ANAPC15: variants seen among roughly 807,000 people sequenced by gnomAD.
ANAPC15 encodes anaphase promoting complex subunit 15, also known as anaphase-promoting complex subunit 15.
ANAPC15 carries 13 observed loss-of-function variants against 19.8 expected under a neutral mutation model. That is an observed-to-expected ratio of 0.66 (90% confidence interval 0.43 to 1.04). The LOEUF is 1.04. ANAPC15 is among the 50% of genes least tolerant of loss of function. The pLI is 0.00. For synonymous variants in ANAPC15, 45 were observed against 50.7 expected (o/e 0.89, Z 0.47); for missense variants, 88 against 150.3 (o/e 0.59, Z 2.17).
downstream of ANAPC15, chr11:72,108,026 C>T (rs1591192144): frequency 1.3e-6 from 2 of 1,551,480 alleles, no homozygotes; most frequent in African/African-American, 2.7e-5. Flanking sequence ...GAGCCCTGCC[C>T]CCTGGGGGTC....
Position 72,110,172 on chromosome 11 carries a change from C to A in ANAPC15, c.234G>T (p.Glu78Asp), listed in dbSNP as rs765130044. 1 of 1,614,114 alleles carries A rather than the reference C, an allele frequency of 6.2e-7. No homozygotes were observed. Among genetic ancestry groups the A allele is most frequent in the African/African-American group, 1.3e-5 (1 of 75,020 alleles). Reference sequence around the variant, plus strand: ...GCATATCCTCATCATCCTCTGAGTCCTCTTCACTATCCTCATCATCTTCAT... The same window carrying A: ...GCATATCCTCATCATCCTCTGAGTCATCTTCACTATCCTCATCATCTTCAT... The part of the protein sequence containing the change: ...EDDEDDEDSE[E>D]DSEDDEDMQD... The change falls in exon 5 of 6, where the codon GAG (glutamate) becomes GAT (aspartate). Residue 78 changes from glutamate (E) to aspartate (D), a missense_variant. By Grantham distance (45) the Glu-to-Asp change is conservative. Coordinates refer to ENST00000227618, the MANE Select transcript of ANAPC15 (RefSeq NM_014042.3).
At chr11:72,109,224 C>T (rs903958126), downstream of ANAPC15, 4 of 478,012 alleles carry the variant, frequency 8.4e-6, no homozygotes, top group African/African-American at 3.9e-5. Flanking sequence ...CAAGGGAATC[C>T]CCACCTTGCT....
downstream of ANAPC15, chr11:72,107,287 T>G (rs1945779338): frequency 1.7e-6 from 1 of 601,570 alleles, no homozygotes; most frequent in African/African-American, 1.9e-5. Context: ...AAATAAAAGT[T>G]CATCCAATTC....
intron 1 of ANAPC15, 67 bp from the exon 2 acceptor site, chr11:72,111,563 G>T (rs1367895323): frequency 7.2e-6 from 2 of 277,984 alleles, no homozygotes; most frequent in African/African-American, 4.4e-5. Context: ...GTAAATAATG[G>T]ATCAACAAAG....
chr11:72,106,432 A>AG (rs1333692988), downstream of ANAPC15: 1 of 463,390 alleles, frequency 2.2e-6, no homozygotes, highest in East Asian at 3.4e-5. Flanking sequence ...GGTGCCAGGG[A>AG]GAGGGGTAGA....
upstream of ANAPC15, chr11:72,112,752 G>C (rs538372734): frequency 2.2e-6 from 1 of 456,462 alleles, no homozygotes; most frequent in East Asian, 7.0e-5. Context: ...TGCGTCCTTC[G>C]TCTCCTTTTG....
At chr11:72,108,306 G>T (rs1433611060), downstream of ANAPC15, among the ~76,000 whole-genome samples, 1 of 152,176 alleles carries the variant, frequency 6.6e-6, no homozygotes, top group African/African-American at 2.4e-5. Flanking sequence ...GCCGGATGAC[G>T]AAAGAAACAG....
At chr11:72,107,856 G>A, downstream of ANAPC15, 1 of 1,525,116 alleles carries the variant, frequency 6.6e-7, no homozygotes, top group Non-Finnish European at 8.9e-7. Context: ...AGGCATTTGA[G>A]ATATCTTTTA....
intron 4 of ANAPC15, 80 bp downstream of exon 4, chr11:72,110,464 G>A (rs1946459360): frequency 6.3e-7 from 1 of 1,592,178 alleles, no homozygotes. Context: ...CTCTGGGTCA[G>A]AGACAGGACA....
intron 4 of ANAPC15, 128 bp downstream of exon 4, chr11:72,110,416 C>G: frequency 6.6e-7 from 1 of 1,517,794 alleles, no homozygotes; most frequent in Non-Finnish European, 9.0e-7. Flanking sequence ...TTCTATCTCC[C>G]CTTTTAGGCT....
downstream of ANAPC15, chr11:72,108,785 C>A (rs1214973558): frequency 6.4e-7 from 1 of 1,550,494 alleles, no homozygotes; most frequent in Non-Finnish European, 8.7e-7. Flanking sequence ...TGACCATGTG[C>A]TCTTCCCTGG....
At position 72,109,903 on chromosome 11, in the gene ANAPC15, T is replaced by G. The variant is rs749760055; in HGVS notation, c.344A>C (p.Asp115Ala). The G allele has an allele frequency of 4.0e-5, 64 of 1,613,898 alleles. No individual in the cohort carries two copies. Among genetic ancestry groups the G allele is most frequent in the Non-Finnish European group, 4.7e-5 (55 of 1,180,020 alleles). The change falls in exon 6 of 6, where the codon GAT becomes GCT. Residue 115 changes from aspartate (D) to alanine (A), a missense_variant. Coordinates refer to ENST00000227618, the MANE Select transcript of ANAPC15 (RefSeq NM_014042.3). The stretch of plus-strand genomic sequence containing the variant: ...TACCTAGATCATCCACTGGTCCTGA[T>G]CCTGTTCGTTGCCTTCCATGTCCAC... The part of the protein sequence containing the change: ...NEVDMEGNEQ[D>A]QDQWMI
intron 4 of ANAPC15, 117 bp from the exon 5 acceptor site, chr11:72,110,342 C>T: frequency 1.3e-6 from 2 of 1,575,286 alleles, no homozygotes; most frequent in Non-Finnish European, 8.6e-7. Context: ...GACACTCCCT[C>T]CTTGAGTCTA....
chr11:72,109,316 G>A, downstream of ANAPC15: 1 of 468,950 alleles, frequency 2.1e-6, no homozygotes, highest in South Asian at 1.5e-5. Flanking sequence ...GCCTCAGAAA[G>A]CCTCCCATCC....
downstream of ANAPC15, chr11:72,107,576 G>C: frequency 1.4e-6 from 1 of 700,502 alleles, no homozygotes; most frequent in Non-Finnish European, 2.6e-6. Flanking sequence ...TGTGATACAG[G>C]CCACAGGTGG....
At chr11:72,110,785 T>TA (rs1462254074) in intron 3 of ANAPC15, 182 bp from the exon 4 acceptor site, 2 of 632,384 alleles carry the variant, frequency 3.2e-6, no homozygotes, top group African/African-American at 1.8e-5. Context: ...TCCAAATACT[T>TA]AAACTCTCTG....
intron 3 of ANAPC15, 38 bp downstream of exon 3, chr11:72,111,119 G>GTGCTGGGGTCTCTGTCTA (rs144948522): frequency 0.093 from 126,804 of 1,370,736 alleles, 14,304 homozygotes; most frequent in African/African-American, 0.52. Flanking sequence ...GTCTCTGTCT[G>GTGCTGGGGTCTCTGTCTA]TGCTGAGGTC....
chr11:72,108,247 T>C, downstream of ANAPC15: 2 of 802,370 alleles, frequency 2.5e-6, no homozygotes, highest in Non-Finnish European at 3.7e-6. Flanking sequence ...TGCTGGATGG[T>C]GTGTGAGCTC....
chr11:72,108,106 T>C (rs1258227260), downstream of ANAPC15: 4 of 1,521,844 alleles, frequency 2.6e-6, no homozygotes, highest in Non-Finnish European at 3.5e-6. Flanking sequence ...CTGGCCGGCT[T>C]TGATGAGCAC....
Sources: gnomAD v4.1 joint callset for allele counts (sites outside exome capture counted in the v4.1 genomes callset) on GRCh38, gnomAD v4.1.1 for gene constraint, MANE v1.5 for transcripts, NCBI Gene and HGNC (gene_info 2026-07-23, HGNC 2026-07-21) for gene names.